Variants in SKAP1 observed in about 807,000 individuals in gnomAD.
SKAP1 encodes src kinase-associated phosphoprotein 1.
Under a neutral mutation model 58.5 loss-of-function variants are expected in SKAP1, and 44 were observed. The observed-to-expected ratio is 0.75, with a 90% confidence interval of 0.59 to 0.97. The LOEUF is 0.97. Among genes scored for constraint, SKAP1 ranks in the 50% least tolerant of loss-of-function variants. The pLI, the probability that SKAP1 is intolerant of heterozygous loss-of-function variation, is 0.00. For synonymous variants in SKAP1, 127 were observed against 149.7 expected (o/e 0.85, Z 1.11); for missense variants, 390 against 435.2 (o/e 0.90, Z 0.92).
the SKAP1 span, among the ~76,000 whole-genome samples, chr17:48,437,598 C>T: frequency 5.3e-5 from 8 of 151,896 alleles, no homozygotes; most frequent in South Asian, 2.1e-4. Context: ...AAAAATTAGC[C>T]GGAAATGGTG....
upstream of SKAP1, among the ~76,000 whole-genome samples, chr17:48,432,117 C>T (rs1468763904): frequency 4.6e-5 from 7 of 152,196 alleles, no homozygotes; most frequent in Non-Finnish European, 8.8e-5. Flanking sequence ...TGCTCATCCT[C>T]CTTCCTGCCC....
chr17:48,208,412 C>T (rs1475611695), intron 4 of SKAP1, among the ~76,000 whole-genome samples: 1 of 152,180 alleles, frequency 6.6e-6, no homozygotes, highest in Non-Finnish European at 1.5e-5. Flanking sequence ...AATCAGCTTT[C>T]CCCTTGAAGA....
At chr17:48,210,487 G>A (rs1393425223) in intron 4 of SKAP1, among the ~76,000 whole-genome samples, 1 of 152,132 alleles carries the variant, frequency 6.6e-6, no homozygotes, top group Non-Finnish European at 1.5e-5. Context: ...GGGCCTTGGT[G>A]AGGTGGGCCC....
intron 4 of SKAP1, among the ~76,000 whole-genome samples, chr17:48,231,201 T>A (rs1341176409): frequency 6.6e-6 from 1 of 152,212 alleles, no homozygotes; most frequent in Non-Finnish European, 1.5e-5. Flanking sequence ...TCACCAGATA[T>A]CAGAATGAAT....
At chr17:48,422,826 G>A (rs1328336136) in intron 1 of SKAP1, among the ~76,000 whole-genome samples, 1 of 152,062 alleles carries the variant, frequency 6.6e-6, no homozygotes, top group East Asian at 1.9e-4. Flanking sequence ...ATGAAAATGA[G>A]ACAATGAATG....
chr17:48,425,781 C>G (rs1205429025), intron 1 of SKAP1, among the ~76,000 whole-genome samples: 2 of 152,144 alleles, frequency 1.3e-5, no homozygotes, highest in Non-Finnish European at 2.9e-5. Context: ...AAGTGATAGG[C>G]CTTGGCCTAA....
At chr17:48,388,856 A>T (rs1024889401) in intron 2 of SKAP1, among the ~76,000 whole-genome samples, 4 of 152,248 alleles carry the variant, frequency 2.6e-5, no homozygotes, top group African/African-American at 9.6e-5. Flanking sequence ...GAACAAAGGC[A>T]CTTGGTAAAC....
At chr17:48,432,426 C>CT (rs1220820122), upstream of SKAP1, among the ~76,000 whole-genome samples, 8 of 147,830 alleles carry the variant, frequency 5.4e-5, no homozygotes, top group African/African-American at 2.0e-4. Context: ...AAGACTCCAT[C>CT]TCAAAAAAAA....
intron 4 of SKAP1, among the ~76,000 whole-genome samples, chr17:48,199,818 C>A (rs1439987030): frequency 6.6e-6 from 1 of 151,994 alleles, no homozygotes; most frequent in Non-Finnish European, 1.5e-5. Context: ...ATCTTGCAGT[C>A]ATAGGAAAAG....
At chr17:48,193,507 C>T (rs1393374379) in intron 4 of SKAP1, 5 of 162,980 alleles carry the variant, frequency 3.1e-5, no homozygotes, top group African/African-American at 1.2e-4. Context: ...TACTAACTGT[C>T]TTCTGTGTAC....
At chr17:48,169,903 A>C (rs1407846328) in intron 10 of SKAP1, among the ~76,000 whole-genome samples, 1 of 152,140 alleles carries the variant, frequency 6.6e-6, no homozygotes, top group Non-Finnish European at 1.5e-5. Flanking sequence ...CTGCCGACGG[A>C]ACGAATGTCC....
chr17:48,250,249 C>T (rs546972462), intron 4 of SKAP1, among the ~76,000 whole-genome samples: 1 of 141,208 alleles, frequency 7.1e-6, no homozygotes, highest in Non-Finnish European at 1.5e-5. Context: ...TGAAAAAATA[C>T]ATATATTTTG....
intron 4 of SKAP1, among the ~76,000 whole-genome samples, chr17:48,265,612 G>A (rs2065537821): frequency 6.6e-6 from 1 of 152,010 alleles, no homozygotes; most frequent in Admixed American, 6.6e-5. Flanking sequence ...ATATTGACGT[G>A]GTACTTAAAA....
intron 3 of SKAP1, among the ~76,000 whole-genome samples, chr17:48,359,081 T>C (rs144843896): frequency 0.014 from 2,140 of 152,286 alleles, 23 homozygotes; most frequent in Non-Finnish European, 0.019. Flanking sequence ...ATGATAGAGA[T>C]AAAAGAAAAA....
chr17:48,379,807 G>A (rs1465999458), intron 2 of SKAP1, among the ~76,000 whole-genome samples: 1 of 151,172 alleles, frequency 6.6e-6, no homozygotes, highest in Admixed American at 6.6e-5. Flanking sequence ...TCGGCCTCCT[G>A]AGTAGCTGGG....
At chr17:48,338,815 A>G (rs2066611003) in intron 4 of SKAP1, among the ~76,000 whole-genome samples, 1 of 152,220 alleles carries the variant, frequency 6.6e-6, no homozygotes, top group African/African-American at 2.4e-5. Context: ...TTTAAGTAAT[A>G]TAAATTACTG....
At chr17:48,338,451 C>T (rs1212364083) in intron 4 of SKAP1, among the ~76,000 whole-genome samples, 1 of 152,138 alleles carries the variant, frequency 6.6e-6, no homozygotes. Flanking sequence ...CGCGCCTGAC[C>T]ACTTACCATC....
At chr17:48,140,220 C>G (rs1298190921) in intron 11 of SKAP1, among the ~76,000 whole-genome samples, 1 of 152,222 alleles carries the variant, frequency 6.6e-6, no homozygotes, top group Non-Finnish European at 1.5e-5. Context: ...CTGCATTGCT[C>G]AAATTCCCTG....
intron 1 of SKAP1, among the ~76,000 whole-genome samples, chr17:48,417,082 G>A (rs1336928654): frequency 6.6e-6 from 1 of 152,278 alleles, no homozygotes; most frequent in East Asian, 1.9e-4. Context: ...CTTTTGCCAA[G>A]AAGGAAAACG....
Sources: allele counts gnomAD v4.1 joint callset (sites outside exome capture counted in the v4.1 genomes callset), GRCh38; gene constraint gnomAD v4.1.1; transcripts MANE v1.5; gene names NCBI Gene and HGNC (gene_info 2026-07-23, HGNC 2026-07-21).